GRIN2A: variants seen among roughly 807,000 people sequenced by gnomAD.
The protein encoded by GRIN2A is glutamate ionotropic receptor NMDA type subunit 2A.
GRIN2A carries 22 observed loss-of-function variants against 113.4 expected under a neutral mutation model. The ratio of observed to expected loss-of-function variants is 0.19; its 90% CI spans 0.14 to 0.28. The LOEUF (loss-of-function observed/expected upper bound fraction) is 0.28, where lower values mean the gene tolerates loss of function less well. Ranked by LOEUF, GRIN2A falls within the 10% of genes least tolerant of loss-of-function variation. GRIN2A has a pLI of 1.00. For synonymous variants in GRIN2A, 827 were observed against 738.4 expected (o/e 1.12, Z -1.94); for missense variants, 1,502 against 1,887.0 (o/e 0.80, Z 3.78).
intron 2 of GRIN2A, among the ~76,000 whole-genome samples, chr16:9,968,400 G>A (rs1454945377): frequency 1.3e-5 from 2 of 152,200 alleles, no homozygotes; most frequent in African/African-American, 2.4e-5. Flanking sequence ...TGCAACTTCC[G>A]CCTCCCGGGT....
intron 3 of GRIN2A, among the ~76,000 whole-genome samples, chr16:9,932,595 G>T (rs927529540): frequency 6.6e-6 from 1 of 151,872 alleles, no homozygotes. Context: ...GTGTTGGCCA[G>T]GCTGGTCGAA....
rs749997784 is a variant in GRIN2A at position 10,180,331 on chromosome 16, C to A, written c.81G>T (p.Ala27=). ...VWRGPAPSAA[A]EKGPPALNIA... is the part of the protein sequence containing the mutation. The stretch of plus-strand genomic sequence containing the variant: ...TATTTAGCGCGGGGGGACCCTTCTC[C>A]GCCGCCGCGCTCGGCGCCGGACCGC... Residue 27 remains alanine, a synonymous_variant, in exon 2 of 13, where the codon GCG becomes GCT. Transcript: ENST00000330684. This position sits in a 1 kb window ranked among gnomAD's most constrained non-coding sequence, Gnocchi z 7.0. 6.2e-7 allele frequency: 1 copy of A among 1,609,484 alleles called. No homozygotes were observed.
intron 2 of GRIN2A, among the ~76,000 whole-genome samples, chr16:10,008,594 A>T (rs2046446921): frequency 6.6e-6 from 1 of 152,182 alleles, no homozygotes; most frequent in Non-Finnish European, 1.5e-5. Context: ...ACATAATCTC[A>T]GAAGCAGCAG....
chr16:9,970,989 C>T (rs911502782), intron 2 of GRIN2A: 1 of 151,800 alleles, frequency 6.6e-6, no homozygotes, highest in African/African-American at 2.4e-5. Context: ...TGTAGATAGT[C>T]ATTTGAGAGG....
Position 9,753,535 on chromosome 16 carries a change from A to G in GRIN2A, c.*9614T>C, listed in dbSNP as rs1356128701. ...GAGTTATATACATATCAGTTTGCAC[A>G]CGAATTTCAATCCCCATTCCTTAAA... On this transcript the variant is annotated 3_prime_UTR_variant, in exon 13 of 13. Coordinates refer to ENST00000330684, the MANE Select transcript of GRIN2A (RefSeq NM_001134407.3). The G allele has an allele frequency of 1.5e-5, 3 of 202,850 alleles. No individual in the cohort carries two copies. Among genetic ancestry groups the G allele is most frequent in the Non-Finnish European group, 3.0e-5 (3 of 98,756 alleles). The allele number at this position is 202,850 out of a possible 1,614,324, so 12.6% of individuals were successfully genotyped here. A position where few individuals can be genotyped will look rare whatever the true frequency, so the allele number is the denominator to read the frequency against.
intron 2 of GRIN2A, among the ~76,000 whole-genome samples, chr16:9,983,944 T>C (rs1402397911): frequency 6.6e-6 from 1 of 152,242 alleles, no homozygotes; most frequent in Non-Finnish European, 1.5e-5. Flanking sequence ...TGCTGGATCA[T>C]ACAGAAGTTC....
At chr16:10,044,561 T>C (rs953748376) in intron 2 of GRIN2A, among the ~76,000 whole-genome samples, 5 of 151,574 alleles carry the variant, frequency 3.3e-5, no homozygotes, top group Non-Finnish European at 4.4e-5. Flanking sequence ...ATCTTTAATA[T>C]ACATCCTATT....
At chr16:9,861,879 G>A (rs2043075127) in intron 4 of GRIN2A, among the ~76,000 whole-genome samples, 1 of 152,214 alleles carries the variant, frequency 6.6e-6, no homozygotes, top group Admixed American at 6.5e-5. Context: ...GAGGTAAAGT[G>A]CCTGCTTCCT....
intron 5 of GRIN2A, among the ~76,000 whole-genome samples, chr16:9,842,063 C>T (rs1040869627): frequency 1.3e-5 from 2 of 152,170 alleles, no homozygotes; most frequent in African/African-American, 4.8e-5. Context: ...CCAGCTTGGC[C>T]AGCATGGCGA....
rs146673348 is a variant in GRIN2A, at chr16:9,805,806, A to C, written c.2169-7342T>G. ...AGAAGCAGTGGAGGTGTGGATCACCACCGGGTACCCATCGGGGAAGGGCAT... is the reference window on the plus strand; with the variant it reads ...AGAAGCAGTGGAGGTGTGGATCACCCCCGGGTACCCATCGGGGAAGGGCAT... On this transcript the variant is annotated intron_variant, in intron 10 of 12. Coordinates refer to ENST00000330684, the MANE Select transcript of GRIN2A (RefSeq NM_001134407.3). 1.5e-3 allele frequency among the ~76,000 whole-genome samples: 224 copies of C among 152,190 alleles called. 1 individual carries two copies. The highest frequency in any genetic ancestry group is 5.0e-3 in the African/African-American group (209 of 41,518).
chr16:9,983,019 G>A (rs1004966595), intron 2 of GRIN2A, among the ~76,000 whole-genome samples: 1 of 152,082 alleles, frequency 6.6e-6, no homozygotes, highest in Non-Finnish European at 1.5e-5. Context: ...TATTTATGGG[G>A]TACGGTGTGA....
At chr16:9,953,198 G>A (rs1391724945) in intron 2 of GRIN2A, among the ~76,000 whole-genome samples, 2 of 152,194 alleles carry the variant, frequency 1.3e-5, no homozygotes, top group African/African-American at 4.8e-5. Context: ...ATGTTTAGGA[G>A]GTACATTCAA....
At chr16:9,774,080 A>C (rs1901453942) in intron 11 of GRIN2A, among the ~76,000 whole-genome samples, 2 of 151,916 alleles carry the variant, frequency 1.3e-5, no homozygotes, top group African/African-American at 4.8e-5. Context: ...CTTCCATTCC[A>C]TTCCACTGGC....
intron 11 of GRIN2A, among the ~76,000 whole-genome samples, chr16:9,791,975 T>C (rs7196095): frequency 0.33 from 50,584 of 151,616 alleles, 8,572 homozygotes; most frequent in African/African-American, 0.4. Context: ...GAGAGCAGGG[T>C]TTGTGGTCCT....
chr16:9,856,053 T>A (rs1207507803), intron 4 of GRIN2A, among the ~76,000 whole-genome samples: 2 of 152,214 alleles, frequency 1.3e-5, no homozygotes, highest in Admixed American at 1.3e-4. Context: ...ATTAGGGCTT[T>A]ACTATGTGTT....
At chr16:9,887,173 C>G (rs1270450769) in intron 4 of GRIN2A, among the ~76,000 whole-genome samples, 1 of 152,112 alleles carries the variant, frequency 6.6e-6, no homozygotes, top group Non-Finnish European at 1.5e-5. Flanking sequence ...AGGCATGAGC[C>G]ACCAAGCCCG....
At chr16:9,768,652 C>G (rs1442598896) in intron 12 of GRIN2A, among the ~76,000 whole-genome samples, 199 bp downstream of exon 12, 3 of 152,226 alleles carry the variant, frequency 2.0e-5, no homozygotes, top group Non-Finnish European at 4.4e-5. Context: ...TGCACCCACT[C>G]CCGTTTCCTT....
intron 2 of GRIN2A, among the ~76,000 whole-genome samples, chr16:10,047,900 T>C (rs920595435): frequency 6.6e-6 from 1 of 152,194 alleles, no homozygotes; most frequent in African/African-American, 2.4e-5. Flanking sequence ...ACCACCTTGG[T>C]ATCTGGCTTA....
chr16:10,077,034 G>C (rs1156578778), intron 2 of GRIN2A, among the ~76,000 whole-genome samples: 1 of 152,198 alleles, frequency 6.6e-6, no homozygotes, highest in Non-Finnish European at 1.5e-5. Flanking sequence ...GCTTTGGGTA[G>C]AAAGAGATGT....
Sources: gnomAD v4.1 joint callset for allele counts (sites outside exome capture counted in the v4.1 genomes callset) on GRCh38, gnomAD v4.1.1 for gene constraint, Gnocchi (gnomAD v3.1) non-coding constraint, MANE v1.5 for transcripts, NCBI Gene and HGNC (gene_info 2026-07-23, HGNC 2026-07-21) for gene names.